HCN4: variants seen among roughly 807,000 people sequenced by gnomAD.
HCN4 encodes potassium/sodium hyperpolarization-activated cyclic nucleotide-gated channel 4.
In HCN4, 29 loss-of-function variants were observed where a neutral mutation model predicts 76.9. The ratio of observed to expected loss-of-function variants is 0.38; its 90% CI spans 0.28 to 0.51. The LOEUF is 0.51. HCN4 is among the 20% of genes least tolerant of loss of function. The pLI, the probability that HCN4 is intolerant of heterozygous loss-of-function variation, is 0.90. For synonymous variants in HCN4, 772 were observed against 762.5 expected (o/e 1.01, Z -0.21); for missense variants, 1,416 against 1,715.2 (o/e 0.83, Z 3.08).
intron 1 of HCN4, among the ~76,000 whole-genome samples, chr15:73,355,637 G>C (rs1303964093): frequency 6.6e-6 from 1 of 152,222 alleles, no homozygotes; most frequent in African/African-American, 2.4e-5. Context: ...AGCACAGTGA[G>C]AACAGGCCTG....
chr15:73,340,732 T>C (rs1294287494), intron 2 of HCN4, among the ~76,000 whole-genome samples: 1 of 152,228 alleles, frequency 6.6e-6, no homozygotes, highest in Non-Finnish European at 1.5e-5. Flanking sequence ...CCTAGTCCTT[T>C]GATCCCAGCG....
chr15:73,324,802 AGACT>A (rs1235351668), intron 6 of HCN4, among the ~76,000 whole-genome samples, 149 bp downstream of exon 6: 5 of 152,260 alleles, frequency 3.3e-5, no homozygotes, highest in African/African-American at 7.2e-5. Flanking sequence ...ACAAGAACCC[AGACT>A]GACTAAGACA....
rs781503378 is a variant in HCN4, at chr15:73,332,130, C to A, written c.1371+1G>T. 1 of 1,613,740 alleles carries A rather than the reference C, an allele frequency of 6.2e-7. No homozygotes were observed. ...GAGAGGACCGGGCTGGGCGCACTCA[C>A]CACCATGTTGTTGATGGACACCCAG... On this transcript the variant is annotated splice_donor_variant, in intron 3 of 7. Transcript: ENST00000261917. LOFTEE classifies it high-confidence loss of function.
Position 73,323,882 on chromosome 15 carries a change from C to A in HCN4, c.2211G>T (p.Gln737His), listed in dbSNP as rs755502946. 8 of 1,604,128 alleles carry A rather than the reference C, an allele frequency of 5.0e-6. No homozygotes were observed. Among genetic ancestry groups the A allele is most frequent in the Non-Finnish European group, 6.8e-6 (8 of 1,179,962 alleles). The change falls in exon 8 of 8, where the codon CAG becomes CAT. Residue 737 changes from glutamine (Q) to histidine (H), a missense_variant. Gln to His is a conservative substitution (Grantham distance 24, BLOSUM62 0). This residue lies in a region of HCN4 where 241 missense variants were observed against 379.4 expected (regional missense o/e 0.64). Transcript: ENST00000261917. ...HDLNSGVFNY[Q>H]ENEIIQQIVQ... ...CAATCTGCTGGATGATCTCATTCTC[C>A]TGGTAGTTGAAGACGCCGGAGTTGA...
chr15:73,362,396 G>A (rs1023056323), intron 1 of HCN4, among the ~76,000 whole-genome samples: 14 of 152,344 alleles, frequency 9.2e-5, no homozygotes, highest in South Asian at 4.1e-4. Flanking sequence ...GTCCTGGTCT[G>A]GACACCAGCC....
chr15:73,356,159 G>A (rs2043078443), intron 1 of HCN4, among the ~76,000 whole-genome samples: 1 of 151,556 alleles, frequency 6.6e-6, no homozygotes, highest in Non-Finnish European at 1.5e-5. Flanking sequence ...CACTGGAAAT[G>A]GATTTGGGGC....
intron 2 of HCN4, among the ~76,000 whole-genome samples, chr15:73,332,942 T>C (rs2151218026): frequency 6.6e-6 from 1 of 152,364 alleles, no homozygotes; most frequent in Non-Finnish European, 1.5e-5. Flanking sequence ...AAGGACTAAA[T>C]TATACATATA....
Position 73,325,530 on chromosome 15 carries a change from G to T in HCN4, c.1591-86C>A, listed in dbSNP as rs1241169216. 3.7e-6 allele frequency: 5 copies of T among 1,365,404 alleles called. No homozygotes were observed. Among genetic ancestry groups the T allele is most frequent in the Non-Finnish European group, 5.2e-6 (5 of 954,116 alleles). 84.6% of individuals were successfully genotyped at this position (1,365,404 alleles called of 1,614,324 possible). A position where few individuals can be genotyped will look rare whatever the true frequency, so the allele number is the denominator to read the frequency against. On this transcript the variant is annotated intron_variant, in intron 4 of 7. Coordinates refer to ENST00000261917, the MANE Select transcript of HCN4 (RefSeq NM_005477.3). The surrounding 1 kb of genome is among the most constrained non-coding windows in gnomAD (Gnocchi z 7.4). Reference sequence around the variant, plus strand: ...CACCACCTCGGCAGGCACCACATCCGGGCACCCACCCCGGGGGATTTCCTG... The same window carrying T: ...CACCACCTCGGCAGGCACCACATCCTGGCACCCACCCCGGGGGATTTCCTG...
chr15:73,356,740 T>C (rs1038657984), intron 1 of HCN4, among the ~76,000 whole-genome samples: 2 of 151,890 alleles, frequency 1.3e-5, no homozygotes, highest in African/African-American at 4.8e-5. Flanking sequence ...AAACACAGTC[T>C]AACAAGGAAG....
intron 1 of HCN4, among the ~76,000 whole-genome samples, chr15:73,347,031 G>A (rs1215699934): frequency 6.6e-6 from 1 of 152,152 alleles, no homozygotes; most frequent in Admixed American, 6.5e-5. Flanking sequence ...CAATCCTGCT[G>A]GTCGAAGCAT....
In HCN4 at chr15:73,321,306, T is replaced by A. The variant is rs1418932460; in HGVS notation, c.*1175A>T. ...CTCAGCCCCCCTCAACACAGTTTTC[T>A]GATGGAAGGAACACAGACTTGGGCC... On this transcript the variant is annotated 3_prime_UTR_variant, in exon 8 of 8. Coordinates refer to ENST00000261917, the MANE Select transcript of HCN4 (RefSeq NM_005477.3). 2 of 152,212 alleles carry A rather than the reference T, an allele frequency of 1.3e-5. No individual in the cohort carries two copies. Among genetic ancestry groups the A allele is most frequent in the Non-Finnish European group, 2.9e-5 (2 of 68,050 alleles). The allele number at this position is 152,212 out of a possible 1,614,324, so 9.4% of individuals were successfully genotyped here.
chr15:73,353,478 C>T (rs489913), intron 1 of HCN4, among the ~76,000 whole-genome samples: 148,974 of 152,264 alleles, frequency 0.98, 72,954 homozygotes, highest in East Asian at 1. Context: ...CAAAGGAGGA[C>T]AGCTTAACAT....
Position 73,368,383 on chromosome 15 carries a change from G to T in HCN4, c.-113C>A. 1 of 682,124 alleles carries T rather than the reference G, an allele frequency of 1.5e-6. No homozygotes were observed. The highest frequency in any genetic ancestry group is 2.1e-6 in the Non-Finnish European group (1 of 474,602). 42.3% of individuals were successfully genotyped at this position (682,124 alleles called of 1,614,324 possible). A position where few individuals can be genotyped will look rare whatever the true frequency, so the allele number is the denominator to read the frequency against. ...CGTGGGGACGCGTCCTTTGCCGCCG[G>T]CGTGGGGGCAGCCTCAGGCGCCCAT... On this transcript the variant is annotated 5_prime_UTR_variant, in exon 1 of 8. Transcript: ENST00000261917. The surrounding 1 kb of genome is among the most constrained non-coding windows in gnomAD (Gnocchi z 6.9).
chr15:73,368,459 C>T lies in HCN4; in HGVS notation c.-189G>A, dbSNP rs548581131. 655 of 375,086 alleles carry T rather than the reference C, an allele frequency of 1.7e-3. 3 individuals are homozygous for T. The highest frequency in any genetic ancestry group is 0.011 in the African/African-American group (537 of 47,310). 23.2% of individuals were successfully genotyped at this position (375,086 alleles called of 1,614,324 possible). On this transcript the variant is annotated 5_prime_UTR_variant, in exon 1 of 8. Transcript: ENST00000261917. The surrounding 1 kb of genome is among the most constrained non-coding windows in gnomAD (Gnocchi z 6.9). ...GAGGATCCTAGTCCCGCTCCGAGTC[C>T]CCGGGCTCGCCGCGCTACACCTCCT... is the stretch of plus-strand genomic sequence containing the variant.
intron 1 of HCN4, among the ~76,000 whole-genome samples, chr15:73,353,924 GGGTCTCCCCACCACA>G (rs2043066338): frequency 6.6e-6 from 1 of 152,032 alleles, no homozygotes; most frequent in Non-Finnish European, 1.5e-5. Context: ...CCTGACCCCA[GGGTCTCCCCACCACA>G]ATAGATAAAT....
chr15:73,329,883 T>C (rs2042922732), intron 3 of HCN4, 92 bp from the exon 4 acceptor site: 1 of 1,096,496 alleles, frequency 9.1e-7, no homozygotes, highest in African/African-American at 1.6e-5. Context: ...CACCTCAACC[T>C]AACTTTCTCA....
At position 73,367,910 on chromosome 15, in the gene HCN4, G is replaced by A. The variant is rs1238471471; in HGVS notation, c.361C>T (p.His121Tyr). The change falls in exon 1 of 8, where the codon CAC becomes TAC. Residue 121 changes from histidine (H) to tyrosine (Y), a missense_variant. His to Tyr is a moderately conservative substitution (Grantham distance 83). Transcript: ENST00000261917. This position sits in a 1 kb window ranked among gnomAD's most constrained non-coding sequence, Gnocchi z 7.5. ...GGTGSGSSHG[H>Y]LHDSAEERRL... ...CGCTCCTCCGCGGAGTCATGCAGGT[G>A]TCCGTGACTGCTGCCGCTCCCCGTG... 7.2e-7 allele frequency: 1 copy of A among 1,383,668 alleles called. No homozygotes were observed. Among genetic ancestry groups the A allele is most frequent in the Non-Finnish European group, 9.3e-7 (1 of 1,070,884 alleles). The allele number at this position is 1,383,668 out of a possible 1,614,324, so 85.7% of individuals were successfully genotyped here.
intron 2 of HCN4, among the ~76,000 whole-genome samples, chr15:73,335,890 C>T (rs1790168337): frequency 6.6e-6 from 1 of 152,102 alleles, no homozygotes; most frequent in African/African-American, 2.4e-5. Flanking sequence ...CTTAGAAAGA[C>T]CCAAATGTCT....
Position 73,367,301 on chromosome 15 carries a change from G to A in HCN4, c.785+185C>T, listed in dbSNP as rs1277253396. Among the ~76,000 whole-genome samples, 1 of 152,126 alleles carries A rather than the reference G, an allele frequency of 6.6e-6. No homozygotes were observed. Among genetic ancestry groups the A allele is most frequent in the Non-Finnish European group, 1.5e-5 (1 of 68,018 alleles). ...GAGAAGACCAGTGACTGAACCCAGA[G>A]GAAAGTTCCCCCAGCGCGGTGCAGG... is the stretch of plus-strand genomic sequence containing the variant. On this transcript the variant is annotated intron_variant, in intron 1 of 7. Coordinates refer to ENST00000261917, the MANE Select transcript of HCN4 (RefSeq NM_005477.3). The surrounding 1 kb of genome is among the most constrained non-coding windows in gnomAD (Gnocchi z 7.5).
Sources: allele counts gnomAD v4.1 joint callset (sites outside exome capture counted in the v4.1 genomes callset), GRCh38; gene constraint gnomAD v4.1.1; regional missense constraint gnomAD v4.1.1; non-coding constraint Gnocchi (gnomAD v3.1); transcripts MANE v1.5; gene names NCBI Gene and HGNC (gene_info 2026-07-23, HGNC 2026-07-21).